ZFHX3: variants seen among roughly 807,000 people sequenced by gnomAD.
The protein encoded by ZFHX3 is zinc finger homeobox protein 3.
ZFHX3 carries 42 observed loss-of-function variants against 279.1 expected under a neutral mutation model. The ratio of observed to expected loss-of-function variants is 0.15; its 90% CI spans 0.12 to 0.19. ZFHX3 has a LOEUF of 0.19. Ranked by LOEUF, ZFHX3 falls within the 10% of genes least tolerant of loss-of-function variation. ZFHX3 has a pLI of 1.00. For missense variants in ZFHX3, 4,981 were observed against 4,754.0 expected, an observed-to-expected ratio of 1.05 and a Z score of -1.40; for synonymous variants, 2,293 against 1,957.8, an observed-to-expected ratio of 1.17 and a Z score of -4.52.
intron 1 of ZFHX3, among the ~76,000 whole-genome samples, chr16:73,876,649 C>T (rs1383670386): frequency 1.3e-5 from 2 of 152,162 alleles, no homozygotes; most frequent in Non-Finnish European, 2.9e-5. Flanking sequence ...TTAATCAACT[C>T]CCCAGTTGGA....
chr16:73,846,622 G>C lies in ZFHX3; in HGVS notation c.-1608+45029C>G, dbSNP rs573114222. ...TATGCATGAATAAGCACAGGCCTCA[G>C]ATGCCTCTGCAGTAAGCCAAATGTC... On this transcript the variant is annotated intron_variant, in intron 1 of 17. Coordinates refer to the ZFHX3 transcript ENST00000641206. Among the ~76,000 whole-genome samples the C allele has an allele frequency of 3.3e-5, 5 of 152,328 alleles. No homozygotes were observed. In the East Asian group the frequency reaches 7.7e-4, roughly 24 times the overall value.
At chr16:73,138,004 A>G (rs946828609) in intron 6 of ZFHX3, among the ~76,000 whole-genome samples, 5 of 152,164 alleles carry the variant, frequency 3.3e-5, no homozygotes, top group Non-Finnish European at 4.4e-5. Context: ...CTGTATTCTA[A>G]TGATTTCTTG....
chr16:73,332,028 T>C (rs1567452686), intron 3 of ZFHX3, among the ~76,000 whole-genome samples: 1 of 152,202 alleles, frequency 6.6e-6, no homozygotes, highest in Non-Finnish European at 1.5e-5. Context: ...TTCAACTCCA[T>C]GCCTTATGCT....
chr16:73,824,583 G>GA (rs1324464349), intron 1 of ZFHX3, among the ~76,000 whole-genome samples: 3 of 107,530 alleles, frequency 2.8e-5, no homozygotes, highest in African/African-American at 1.1e-4. Context: ...CCCAGAGTGT[G>GA]ATATTCCCCT....
intron 9 of ZFHX3, among the ~76,000 whole-genome samples, chr16:72,792,672 G>A (rs990554574): frequency 5.9e-5 from 9 of 152,040 alleles, no homozygotes; most frequent in Non-Finnish European, 1.0e-4. Flanking sequence ...GGCTGGTCTC[G>A]ATTTCCTGAC....
chr16:73,302,531 A>G (rs1052154438), intron 4 of ZFHX3, among the ~76,000 whole-genome samples: 15 of 152,240 alleles, frequency 9.9e-5, no homozygotes, highest in African/African-American at 3.1e-4. Flanking sequence ...AAAAGCACAG[A>G]CAGTTGAATA....
At chr16:73,071,859 A>G (rs1354139715) in intron 8 of ZFHX3, among the ~76,000 whole-genome samples, 2 of 152,220 alleles carry the variant, frequency 1.3e-5, no homozygotes, top group South Asian at 2.1e-4. Flanking sequence ...GTGAGGCCAC[A>G]GGGTGACACC....
At chr16:73,501,394 G>C (rs1456200840) in intron 2 of ZFHX3, among the ~76,000 whole-genome samples, 1 of 152,174 alleles carries the variant, frequency 6.6e-6, no homozygotes, top group Non-Finnish European at 1.5e-5. Context: ...TAAGCCAACT[G>C]TTTTAGAAGA....
At chr16:72,900,007 A>G (rs1332935151) in intron 3 of ZFHX3, among the ~76,000 whole-genome samples, 1 of 152,126 alleles carries the variant, frequency 6.6e-6, no homozygotes, top group Non-Finnish European at 1.5e-5. Flanking sequence ...TATAGGAATT[A>G]TGACATGGAC....
chr16:73,875,070 ACT>A (rs889829358), intron 1 of ZFHX3, among the ~76,000 whole-genome samples: 1 of 152,160 alleles, frequency 6.6e-6, no homozygotes, highest in Non-Finnish European at 1.5e-5. Context: ...GTGAGCTAAG[ACT>A]CTGAATACAT....
At chr16:73,105,509 T>C (rs1313630985) in intron 7 of ZFHX3, among the ~76,000 whole-genome samples, 2 of 151,066 alleles carry the variant, frequency 1.3e-5, no homozygotes, top group African/African-American at 4.9e-5. Flanking sequence ...CCCAGCACTT[T>C]GGGAGGCAAA....
In ZFHX3 at chr16:73,484,409, T is replaced by C. The variant is rs890088214; in HGVS notation, c.-1546-28151A>G. 1.5e-4 allele frequency among the ~76,000 whole-genome samples: 23 copies of C among 152,084 alleles called. 1 individual carries two copies. The highest frequency in any genetic ancestry group is 5.3e-4 in the African/African-American group (22 of 41,408). On this transcript the variant is annotated intron_variant, in intron 2 of 17. Coordinates refer to the ZFHX3 transcript ENST00000641206. Reference sequence around the variant, plus strand: ...AAGCCCCGAACTCATGCCGAAAAGGTTTGCAGACTTTCGCCCTTGGCATTC... The same window carrying C: ...AAGCCCCGAACTCATGCCGAAAAGGCTTGCAGACTTTCGCCCTTGGCATTC...
intron 7 of ZFHX3, among the ~76,000 whole-genome samples, chr16:72,810,550 T>C (rs2036414650): frequency 6.6e-6 from 1 of 152,258 alleles, no homozygotes; most frequent in Non-Finnish European, 1.5e-5. Flanking sequence ...ACTGGCACTA[T>C]TTTGAAAAGT....
At chr16:73,409,469 A>C (rs2017424481) in intron 3 of ZFHX3, among the ~76,000 whole-genome samples, 2 of 152,218 alleles carry the variant, frequency 1.3e-5, no homozygotes, top group Non-Finnish European at 2.9e-5. Context: ...AGGCAATAAC[A>C]AATGCTGGCA....
In ZFHX3 at chr16:73,038,205, G is replaced by T. The variant is rs772253750; in HGVS notation, c.-50+9547C>A. Among the ~76,000 whole-genome samples the T allele has an allele frequency of 4.6e-4, 70 of 151,986 alleles. 1 individual carries two copies. Among genetic ancestry groups the T allele is most frequent in the Non-Finnish European group, 8.2e-4 (56 of 67,970 alleles). On this transcript the variant is annotated intron_variant, in intron 1 of 9. Coordinates refer to ENST00000268489, the MANE Select transcript of ZFHX3 (RefSeq NM_006885.4). ...TCTGTGTGGTGCGAGAGTCCACGGG[G>T]CCCTCGGGATATTGACTCCCCCACC...
At chr16:73,786,077 G>C (rs925408334) in intron 1 of ZFHX3, among the ~76,000 whole-genome samples, 2 of 151,960 alleles carry the variant, frequency 1.3e-5, no homozygotes, top group African/African-American at 2.4e-5. Flanking sequence ...CTCCATATTG[G>C]TCAGGCTGGT....
chr16:73,805,955 C>T (rs1027023251), intron 1 of ZFHX3, among the ~76,000 whole-genome samples: 1 of 152,140 alleles, frequency 6.6e-6, no homozygotes, highest in Non-Finnish European at 1.5e-5. Context: ...ACAACTGCGA[C>T]TGGGTAATTT....
intron 4 of ZFHX3, among the ~76,000 whole-genome samples, chr16:72,850,250 C>T (rs1003739038): frequency 6.6e-6 from 1 of 152,218 alleles, no homozygotes; most frequent in Non-Finnish European, 1.5e-5. Flanking sequence ...GTCACACCCA[C>T]CAGTGTCTAC....
intron 4 of ZFHX3, among the ~76,000 whole-genome samples, chr16:72,888,483 G>A (rs1484697825): frequency 6.6e-6 from 1 of 152,214 alleles, no homozygotes; most frequent in Admixed American, 6.5e-5. Context: ...AAAGGCATTT[G>A]GCAGCACCAG....
Sources: allele counts gnomAD v4.1 joint callset (sites outside exome capture counted in the v4.1 genomes callset), GRCh38; gene constraint gnomAD v4.1.1; transcripts MANE v1.5; gene names NCBI Gene and HGNC (gene_info 2026-07-23, HGNC 2026-07-21).